TTC7A: variants seen among roughly 807,000 people sequenced by gnomAD.
TTC7A encodes tetratricopeptide repeat domain 7A.
TTC7A carries 110 observed loss-of-function variants against 103.7 expected under a neutral mutation model. The observed-to-expected ratio is 1.06, with a 90% CI of 0.91 to 1.24. TTC7A has a LOEUF of 1.24. Ranked by LOEUF, TTC7A falls within the 50% of genes most tolerant of loss-of-function variation. The probability of loss-of-function intolerance (pLI) is 0.00; values close to 1 mark genes in which losing one functional copy is unlikely to be tolerated. For synonymous variants in TTC7A, 521 were observed against 467.9 expected (o/e 1.11, Z -1.47); for missense variants, 1,340 against 1,116.3 (o/e 1.20, Z -2.86).
Position 47,021,637 on chromosome 2 carries a change from A to G in TTC7A, c.1393-225A>G, listed in dbSNP as rs571769257. ...CACAGGCCCCTACAGAGGCCATGGGAGGAAAGGAGCTGGCCCAAACTGGCC... is the reference window on the plus strand; with the variant it reads ...CACAGGCCCCTACAGAGGCCATGGGGGGAAAGGAGCTGGCCCAAACTGGCC... On this transcript the variant is annotated intron_variant, in intron 11 of 19. Coordinates refer to ENST00000319190, the MANE Select transcript of TTC7A (RefSeq NM_020458.4). 7.2e-4 allele frequency among the ~76,000 whole-genome samples: 109 copies of G among 152,312 alleles called. 1 individual carries two copies. In the Middle Eastern group the frequency reaches 0.014, roughly 19 times the overall value.
At chr2:46,929,852 C>G (rs60630351) in intron 2 of TTC7A, among the ~76,000 whole-genome samples, 11,978 of 152,234 alleles carry the variant, frequency 0.079, 836 homozygotes, top group African/African-American at 0.19. Flanking sequence ...TGTTATGTGT[C>G]ACACCTAGAC....
intron 16 of TTC7A, among the ~76,000 whole-genome samples, chr2:47,049,163 T>TC (rs1682614860): frequency 6.6e-6 from 1 of 152,142 alleles, no homozygotes; most frequent in Admixed American, 6.5e-5. Flanking sequence ...TGCCTCCTCC[T>TC]CTCCTGTGCC....
chr2:47,006,272 A>G (rs11884772), intron 9 of TTC7A, among the ~76,000 whole-genome samples: 3 of 152,210 alleles, frequency 2.0e-5, no homozygotes, highest in African/African-American at 7.2e-5. Flanking sequence ...GGGAGAGTGC[A>G]TGTGAAAGGC....
At chr2:46,967,424 C>G (rs1485544067) in intron 3 of TTC7A, among the ~76,000 whole-genome samples, 1 of 152,210 alleles carries the variant, frequency 6.6e-6, no homozygotes, top group Non-Finnish European at 1.5e-5. Flanking sequence ...CCCTCCTCCC[C>G]TAACCCCTGG....
intron 1 of TTC7A, among the ~76,000 whole-genome samples, chr2:46,942,269 T>G (rs1181256718): frequency 6.6e-6 from 1 of 151,528 alleles, no homozygotes; most frequent in East Asian, 1.9e-4. Context: ...GCTCTAGCAG[T>G]CGGTGGCTTT....
intron 5 of TTC7A, among the ~76,000 whole-genome samples, chr2:46,986,150 CA>C (rs1674986163): frequency 1.3e-5 from 2 of 152,236 alleles, no homozygotes; most frequent in Non-Finnish European, 2.9e-5. Flanking sequence ...GACGTCAGCT[CA>C]TCTGCATTCG....
At chr2:46,955,738 T>C (rs1251586993) in intron 2 of TTC7A, among the ~76,000 whole-genome samples, 5 of 152,214 alleles carry the variant, frequency 3.3e-5, no homozygotes, top group Non-Finnish European at 5.9e-5. Flanking sequence ...TGCTGGAGGC[T>C]TGCCCTGGGG....
In TTC7A at chr2:47,007,537, C is replaced by T. The variant is rs1677547655; in HGVS notation, c.1287+813C>T. On this transcript the variant is annotated intron_variant, in intron 10 of 19. Transcript: ENST00000319190. This position sits in a 1 kb window ranked among gnomAD's most constrained non-coding sequence, Gnocchi z 4.9. The stretch of plus-strand genomic sequence containing the variant: ...TCATGGGGCTGAGGGAATTCCTCGC[C>T]CCCCTGGCCCATCTGTGCCACGTTC... Among the ~76,000 whole-genome samples, 1 of 152,174 alleles carries T rather than the reference C, an allele frequency of 6.6e-6. No individual in the cohort carries two copies. The highest frequency in any genetic ancestry group is 2.4e-5 in the African/African-American group (1 of 41,424).
intron 3 of TTC7A, among the ~76,000 whole-genome samples, chr2:46,962,338 C>T (rs1268092989): frequency 6.6e-6 from 1 of 152,204 alleles, no homozygotes; most frequent in Non-Finnish European, 1.5e-5. Context: ...CCTCCCAGCT[C>T]ACTTGGACCT....
At chr2:47,012,726 T>C (rs1203049027) in intron 11 of TTC7A, among the ~76,000 whole-genome samples, 1 of 152,152 alleles carries the variant, frequency 6.6e-6, no homozygotes, top group Non-Finnish European at 1.5e-5. Context: ...CGCCTCATCA[T>C]CGCAGCAGGG....
chr2:47,052,760 A>G (rs1193423042), intron 18 of TTC7A, among the ~76,000 whole-genome samples: 1 of 152,166 alleles, frequency 6.6e-6, no homozygotes, highest in East Asian at 1.9e-4. Context: ...AAAGTACCCC[A>G]GGCCAACACA....
rs72888536 is a variant in TTC7A, at chr2:46,972,396, T to A, written c.518-2577T>A. Among the ~76,000 whole-genome samples the A allele has an allele frequency of 2.7e-4, 41 of 152,326 alleles. 1 individual carries two copies. Among genetic ancestry groups the A allele is most frequent in the African/African-American group, 9.6e-4 (40 of 41,570 alleles). The stretch of plus-strand genomic sequence containing the variant: ...AAAAAAGCCCCATACAACATAAAAT[T>A]TGCCATCTAAACCATTTTTAAATGT... On this transcript the variant is annotated intron_variant, in intron 3 of 19. Coordinates refer to ENST00000319190, the MANE Select transcript of TTC7A (RefSeq NM_020458.4).
chr2:47,006,257 T>G (rs1677366815), intron 9 of TTC7A, among the ~76,000 whole-genome samples, 198 bp downstream of exon 9: 1 of 152,194 alleles, frequency 6.6e-6, no homozygotes. Context: ...CTGACAAGGT[T>G]GTTGGGGAGA....
intron 1 of TTC7A, among the ~76,000 whole-genome samples, chr2:46,947,217 G>A (rs757079162): frequency 1.3e-5 from 2 of 152,156 alleles, no homozygotes; most frequent in Non-Finnish European, 2.9e-5. Flanking sequence ...GTTACTGGCT[G>A]TGACCCTAAC....
chr2:46,992,575 G>A (rs1287394839), intron 5 of TTC7A, among the ~76,000 whole-genome samples: 2 of 152,252 alleles, frequency 1.3e-5, no homozygotes, highest in Non-Finnish European at 2.9e-5. Context: ...ACAGCCTCAG[G>A]AAGCTACGCT....
rs988160201 is a variant in TTC7A, at chr2:47,056,245, A to G, written c.2152+4365A>G. Among the ~76,000 whole-genome samples, 15 of 152,116 alleles carry G rather than the reference A, an allele frequency of 9.9e-5. No individual in the cohort carries two copies. In the East Asian group the frequency reaches 2.9e-3, roughly 29 times the overall value. On this transcript the variant is annotated intron_variant, in intron 18 of 19. Coordinates refer to ENST00000319190, the MANE Select transcript of TTC7A (RefSeq NM_020458.4). ...ACCTTCCTTCTTTTTCTGGGCATTT[A>G]TATGCTCTGAGTGTCTGATGCTTAT...
chr2:46,927,641 TGAGC>T, intron 2 of TTC7A, among the ~76,000 whole-genome samples: 1 of 152,128 alleles, frequency 6.6e-6, no homozygotes, highest in South Asian at 2.1e-4. Context: ...ATTACAGGCA[TGAGC>T]TACCGCGCCC....
chr2:46,950,594 C>A (rs1465465521), intron 2 of TTC7A, 68 bp downstream of exon 2: 18 of 1,522,438 alleles, frequency 1.2e-5, no homozygotes, highest in Non-Finnish European at 1.6e-5. Flanking sequence ...CTGTCCAGTC[C>A]TCCCTGAGTC....
chr2:46,976,758 T>C (rs1317344934), intron 4 of TTC7A, among the ~76,000 whole-genome samples: 2 of 152,236 alleles, frequency 1.3e-5, no homozygotes, highest in Non-Finnish European at 2.9e-5. Flanking sequence ...ATCCCCCTTG[T>C]TGTGACAACC....
Sources: allele counts gnomAD v4.1 joint callset (sites outside exome capture counted in the v4.1 genomes callset), GRCh38; gene constraint gnomAD v4.1.1; non-coding constraint Gnocchi (gnomAD v3.1); transcripts MANE v1.5; gene names NCBI Gene and HGNC (gene_info 2026-07-23, HGNC 2026-07-21).